Variants in NEDD4L observed in about 807,000 individuals in gnomAD.
NEDD4L encodes NEDD4 like E3 ubiquitin protein ligase.
In NEDD4L, 54 loss-of-function variants were observed where a neutral mutation model predicts 148.9. That is an observed-to-expected ratio of 0.36 (90% CI 0.29 to 0.45). NEDD4L has a LOEUF of 0.45. Among genes scored for constraint, NEDD4L ranks in the 20% least tolerant of loss-of-function variants. The pLI is 1.00. For synonymous variants in NEDD4L, 433 were observed against 440.7 expected, an observed-to-expected ratio of 0.98 and a Z score of 0.22; for missense variants, 856 against 1,233.8, an observed-to-expected ratio of 0.69 and a Z score of 4.59.
chr18:58,270,191 T>G (rs1178194766), intron 5 of NEDD4L, among the ~76,000 whole-genome samples: 2 of 152,222 alleles, frequency 1.3e-5, no homozygotes, highest in African/African-American at 4.8e-5. Context: ...CTTGAAAGTG[T>G]TGGCCAGTTG....
chr18:58,269,592 C>T (rs926061615), intron 5 of NEDD4L, among the ~76,000 whole-genome samples: 1 of 151,958 alleles, frequency 6.6e-6, no homozygotes, highest in East Asian at 1.9e-4. Context: ...TTAAAGGGGA[C>T]CCCTGGCCAG....
intron 5 of NEDD4L, among the ~76,000 whole-genome samples, chr18:58,313,928 A>T (rs1457828651): frequency 6.6e-6 from 1 of 152,264 alleles, no homozygotes; most frequent in African/African-American, 2.4e-5. Context: ...GCTGTGAAAC[A>T]GCTTTGAATA....
rs1483595161 is a variant in NEDD4L at position 58,265,834 on chromosome 18, G to A, written c.297+13780G>A. ...CTGCCTTGGCCTCCCAAAGTGCTGG[G>A]TTTACAGGCATGAGACACTGTATCC... On this transcript the variant is annotated intron_variant, in intron 5 of 30. Coordinates refer to ENST00000400345, the MANE Select transcript of NEDD4L (RefSeq NM_001144967.3). Among the ~76,000 whole-genome samples, 5 of 152,054 alleles carry A rather than the reference G, an allele frequency of 3.3e-5. No homozygotes were observed. In the East Asian group the frequency reaches 9.6e-4, roughly 29 times the overall value.
intron 5 of NEDD4L, among the ~76,000 whole-genome samples, chr18:58,310,086 T>G (rs977419817): frequency 6.6e-6 from 1 of 152,186 alleles, no homozygotes; most frequent in African/African-American, 2.4e-5. Flanking sequence ...CAGTTTAACT[T>G]TTTAAACTTC....
intron 1 of NEDD4L, chr18:58,149,528 TCTC>T: frequency 6.4e-7 from 1 of 1,551,336 alleles, no homozygotes; most frequent in Non-Finnish European, 8.7e-7. Context: ...AATATTGTAT[TCTC>T]CTAAATGAGA....
At chr18:58,308,627 G>A (rs1424371281) in intron 5 of NEDD4L, among the ~76,000 whole-genome samples, 1 of 152,250 alleles carries the variant, frequency 6.6e-6, no homozygotes, top group African/African-American at 2.4e-5. Context: ...GTGACAGGCA[G>A]CATGGACTGT....
At chr18:58,378,146 G>A (rs1045801500) in intron 24 of NEDD4L, among the ~76,000 whole-genome samples, 14 of 152,122 alleles carry the variant, frequency 9.2e-5, no homozygotes, top group African/African-American at 2.2e-4. Flanking sequence ...CTTTAGGATC[G>A]GGTCGAGCCA....
chr18:58,127,386 A>G (rs956749173), intron 1 of NEDD4L, among the ~76,000 whole-genome samples: 2 of 152,142 alleles, frequency 1.3e-5, no homozygotes, highest in African/African-American at 4.8e-5. Flanking sequence ...AAGGTTCAGG[A>G]TGATACCTTT....
intron 6 of NEDD4L, among the ~76,000 whole-genome samples, chr18:58,318,696 TATTA>T (rs775911412): frequency 1.3e-5 from 2 of 152,274 alleles, no homozygotes; most frequent in East Asian, 1.9e-4. Context: ...AACTTGAATC[TATTA>T]ATTATTTAGC....
chr18:58,180,165 C>A (rs891639461), intron 2 of NEDD4L, among the ~76,000 whole-genome samples: 1 of 152,160 alleles, frequency 6.6e-6, no homozygotes, highest in Non-Finnish European at 1.5e-5. Flanking sequence ...GTCTTTGTGA[C>A]GCCCTGCAAC....
At chr18:58,145,838 C>G (rs1444526994) in intron 1 of NEDD4L, among the ~76,000 whole-genome samples, 1 of 152,182 alleles carries the variant, frequency 6.6e-6, no homozygotes. Context: ...ACATTTTCAC[C>G]AGTTCTGGGT....
chr18:58,339,165 G>A (rs2042134616), intron 13 of NEDD4L, among the ~76,000 whole-genome samples: 1 of 152,116 alleles, frequency 6.6e-6, no homozygotes, highest in Non-Finnish European at 1.5e-5. Context: ...GGGAGAGGGG[G>A]AAGTGGATCA....
intron 2 of NEDD4L, among the ~76,000 whole-genome samples, chr18:58,214,955 G>T (rs1028159323): frequency 6.6e-6 from 1 of 151,758 alleles, no homozygotes; most frequent in Non-Finnish European, 1.5e-5. Flanking sequence ...GGGACTATAG[G>T]CATGCACCAC....
intron 24 of NEDD4L, among the ~76,000 whole-genome samples, chr18:58,380,288 C>CTTTTT (rs1336860681): frequency 2.1e-3 from 290 of 138,892 alleles, no homozygotes; most frequent in African/African-American, 8.1e-3. Flanking sequence ...ATACTGTTTT[C>CTTTTT]TTTTTTATTT....
At chr18:58,322,294 A>G (rs1229316765) in intron 6 of NEDD4L, 131 bp from the exon 7 acceptor site, 14 of 701,776 alleles carry the variant, frequency 2.0e-5, no homozygotes, top group Non-Finnish European at 2.3e-5. Context: ...GTCAGGTACC[A>G]AGTGAAGAAA....
In NEDD4L at chr18:58,330,890, T is replaced by C. The variant is rs772380860; in HGVS notation, c.966T>C (p.Asn322=). ...GGCTTCAGATCACTCCAGACTCCAA[T>C]GGGGAACAGTTCAGCTCTTTGATTG... The part of the protein sequence containing the change: ...SRRLQITPDS[N]GEQFSSLIQR... Residue 322 remains asparagine (N), a synonymous_variant, in exon 11 of 31, where the codon AAT becomes AAC. Coordinates refer to ENST00000400345, the MANE Select transcript of NEDD4L (RefSeq NM_001144967.3). The C allele has an allele frequency of 3.1e-6, 5 of 1,613,708 alleles. No homozygotes were observed. In the African/African-American group the frequency reaches 5.3e-5, roughly 17 times the overall value.
At chr18:58,330,705 T>A in intron 10 of NEDD4L, 33 bp from the exon 11 acceptor site, 1 of 1,460,892 alleles carries the variant, frequency 6.8e-7, no homozygotes. Flanking sequence ...TACTTCTTTC[T>A]AGTGTTTACC....
chr18:58,330,587 T>G (rs1016138103), intron 10 of NEDD4L, 151 bp from the exon 11 acceptor site: 25 of 493,716 alleles, frequency 5.1e-5, no homozygotes, highest in African/African-American at 4.3e-4. Flanking sequence ...TCCTCGTGAT[T>G]ATTGTGAAGG....
intron 1 of NEDD4L, among the ~76,000 whole-genome samples, chr18:58,121,735 A>G (rs2029939398): frequency 6.6e-6 from 1 of 152,044 alleles, no homozygotes; most frequent in South Asian, 2.1e-4. Context: ...TGTTTATTAT[A>G]TTTTCTGATT....
Sources: allele counts gnomAD v4.1 joint callset (sites outside exome capture counted in the v4.1 genomes callset), GRCh38; gene constraint gnomAD v4.1.1; transcripts MANE v1.5; gene names NCBI Gene and HGNC (gene_info 2026-07-23, HGNC 2026-07-21).